The following RIMBP2 variants were observed in gnomAD, a reference collection of about 807,000 sequenced individuals.
RIMBP2 encodes RIMS-binding protein 2.
RIMBP2 carries 48 observed loss-of-function variants against 118.6 expected under a neutral mutation model. The ratio of observed to expected loss-of-function variants is 0.40; its 90% CI spans 0.32 to 0.51. The LOEUF (loss-of-function observed/expected upper bound fraction) is 0.51, where lower values mean the gene tolerates loss of function less well. RIMBP2 is among the 20% of genes least tolerant of loss of function. The pLI is 0.41. For synonymous variants in RIMBP2, 762 were observed against 742.9 expected, an observed-to-expected ratio of 1.03 and a Z score of -0.42; for missense variants, 1,551 against 1,768.3, an observed-to-expected ratio of 0.88 and a Z score of 2.20.
intron 2 of RIMBP2, among the ~76,000 whole-genome samples, chr12:130,618,184 T>C (rs946194802): frequency 6.6e-6 from 1 of 152,154 alleles, no homozygotes; most frequent in Admixed American, 6.5e-5. Flanking sequence ...CCAGGCCTAA[T>C]ATTAATGTAT....
rs1482913162 is a variant in RIMBP2, at chr12:130,431,237, A to G, written c.2254-2900T>C. On this transcript the variant is annotated intron_variant, in intron 14 of 22. Coordinates refer to ENST00000690449, the MANE Select transcript of RIMBP2 (RefSeq NM_001393629.1). This position sits in a 1 kb window ranked among gnomAD's most constrained non-coding sequence, Gnocchi z 4.0. ...AATGCTAGAGATACCGTAGTCAACT[A>G]AAAGTGGAGGCTTCCACCCACTAGA... Among the ~76,000 whole-genome samples, 1 of 152,204 alleles carries G rather than the reference A, an allele frequency of 6.6e-6. No individual in the cohort carries two copies. The highest frequency in any genetic ancestry group is 1.5e-5 in the Non-Finnish European group (1 of 68,040).
Position 130,400,594 on chromosome 12 carries a change from G to A in RIMBP2, c.3766-781C>T, listed in dbSNP as rs142487019. Among the ~76,000 whole-genome samples, 817 of 152,200 alleles carry A rather than the reference G, an allele frequency of 5.4e-3. 4 individuals carry two copies. The highest frequency in any genetic ancestry group is 6.0e-3 in the Non-Finnish European group (408 of 68,006). On this transcript the variant is annotated intron_variant, in intron 21 of 22. Coordinates refer to ENST00000690449, the MANE Select transcript of RIMBP2 (RefSeq NM_001393629.1). ...AAAATTGGCTGGCTCTGGGCAACAC[G>A]GAATCCTGTTTCTCTGTTTATATGG... is the stretch of plus-strand genomic sequence containing the variant.
Position 130,450,300 on chromosome 12 carries a change from T to G in RIMBP2, c.505-24A>C. Reference sequence around the variant, plus strand: ...ATCTGTGAAAAAGGCAATGGGTGTGTGGGTTATTGAAGCTGGAGGTGTCCC... The same window carrying G: ...ATCTGTGAAAAAGGCAATGGGTGTGGGGGTTATTGAAGCTGGAGGTGTCCC... On this transcript the variant is annotated intron_variant, in intron 8 of 22. Transcript: ENST00000690449. The surrounding 1 kb of genome is among the most constrained non-coding windows in gnomAD (Gnocchi z 4.8). The G allele has an allele frequency of 6.3e-7, 1 of 1,575,178 alleles. No individual in the cohort carries two copies. Among genetic ancestry groups the G allele is most frequent in the South Asian group, 1.1e-5 (1 of 88,064 alleles).
Position 130,703,310 on chromosome 12 carries a change from G to A in RIMBP2, c.-352+12912C>T, listed in dbSNP as rs781618345. 9.9e-5 allele frequency among the ~76,000 whole-genome samples: 15 copies of A among 152,140 alleles called. No homozygotes were observed. Among genetic ancestry groups the A allele is most frequent in the Admixed American group, 2.6e-4 (4 of 15,274 alleles). ...CCGCCCTGGACATTTTCAGTTTCCTGCACTTATTATGAAGCCTGCCCAAGA... is the reference window on the plus strand; with the variant it reads ...CCGCCCTGGACATTTTCAGTTTCCTACACTTATTATGAAGCCTGCCCAAGA... On this transcript the variant is annotated intron_variant, in intron 1 of 22. Coordinates refer to ENST00000690449, the MANE Select transcript of RIMBP2 (RefSeq NM_001393629.1). This position sits in a 1 kb window ranked among gnomAD's most constrained non-coding sequence, Gnocchi z 5.7.
intron 21 of RIMBP2, among the ~76,000 whole-genome samples, chr12:130,400,639 A>T (rs2074443745): frequency 6.6e-6 from 1 of 152,162 alleles, no homozygotes; most frequent in African/African-American, 2.4e-5. Context: ...TGACATAAAG[A>T]GCCTACTACA....
intron 3 of RIMBP2, among the ~76,000 whole-genome samples, chr12:130,509,773 T>G (rs2050731698): frequency 6.6e-6 from 1 of 150,922 alleles, no homozygotes; most frequent in Non-Finnish European, 1.5e-5. Context: ...AGTACTTTCT[T>G]TTCTAAACTC....
intron 2 of RIMBP2, among the ~76,000 whole-genome samples, chr12:130,566,348 T>C (rs999871295): frequency 1.1e-4 from 16 of 152,314 alleles, no homozygotes; most frequent in African/African-American, 3.8e-4. Flanking sequence ...TGTCCACAAA[T>C]TACCTGATGC....
Position 130,447,961 on chromosome 12 carries a change from TAGACCCGGGGC to T in RIMBP2, c.581+2228_581+2238del, listed in dbSNP as rs2078680668. ...AATGACAGCAAGAGGAGACACTGAT[TAGACCCGGGGC>T]AGAAAACATAACCCCCTCCCTACAT... On this transcript the variant is annotated intron_variant, in intron 9 of 22. Coordinates refer to ENST00000690449, the MANE Select transcript of RIMBP2 (RefSeq NM_001393629.1). This position sits in a 1 kb window ranked among gnomAD's most constrained non-coding sequence, Gnocchi z 4.4. Among the ~76,000 whole-genome samples, 1 of 151,926 alleles carries T rather than the reference TAGACCCGGGGC, an allele frequency of 6.6e-6. No individual in the cohort carries two copies. The highest frequency in any genetic ancestry group is 6.6e-5 in the Admixed American group (1 of 15,258).
At chr12:130,645,899 T>C (rs1008024351) in intron 1 of RIMBP2, among the ~76,000 whole-genome samples, 1 of 152,156 alleles carries the variant, frequency 6.6e-6, no homozygotes, top group African/African-American at 2.4e-5. Context: ...ACTAAATGGA[T>C]TCATTAAAGC....
intron 1 of RIMBP2, among the ~76,000 whole-genome samples, chr12:130,662,439 C>T (rs1809608): frequency 0.54 from 82,540 of 151,790 alleles, 23,063 homozygotes; most frequent in Non-Finnish European, 0.62. Flanking sequence ...GTGTGGATGA[C>T]GAGGTCAAGA....
chr12:130,667,380 G>T (rs553125445), intron 1 of RIMBP2: 2 of 152,150 alleles, frequency 1.3e-5, no homozygotes, highest in African/African-American at 2.4e-5. Context: ...ATGAATAGAG[G>T]AATTGTTTAC....
chr12:130,531,987 G>T (rs376235814), intron 2 of RIMBP2, among the ~76,000 whole-genome samples: 4 of 89,470 alleles, frequency 4.5e-5, no homozygotes, highest in African/African-American at 4.9e-5. Context: ...CCTCTAGGAG[G>T]TACGTCTAAT....
In RIMBP2 at chr12:130,578,504, T is replaced by A. The variant is rs1028371546; in HGVS notation, c.-217+49818A>T. Among the ~76,000 whole-genome samples the A allele has an allele frequency of 3.3e-5, 5 of 152,230 alleles. No homozygotes were observed. The highest frequency in any genetic ancestry group is 3.3e-4 in the Admixed American group (5 of 15,278). On this transcript the variant is annotated intron_variant, in intron 2 of 22. Coordinates refer to ENST00000690449, the MANE Select transcript of RIMBP2 (RefSeq NM_001393629.1). The surrounding 1 kb of genome is among the most constrained non-coding windows in gnomAD (Gnocchi z 4.1). ...CTGCATCTTCAGCCATGCACAGACCTGTTCTCCTGGCCCCAGTCGTACATG... is the reference window on the plus strand; with the variant it reads ...CTGCATCTTCAGCCATGCACAGACCAGTTCTCCTGGCCCCAGTCGTACATG...
chr12:130,462,961 G>A (rs1036936149), intron 6 of RIMBP2, among the ~76,000 whole-genome samples: 7 of 152,190 alleles, frequency 4.6e-5, no homozygotes, highest in Admixed American at 1.3e-4. Flanking sequence ...AGTCCTGCCC[G>A]CCCACATCCA....
intron 2 of RIMBP2, among the ~76,000 whole-genome samples, chr12:130,611,007 C>A (rs1212738372): frequency 6.6e-6 from 1 of 152,218 alleles, no homozygotes; most frequent in Non-Finnish European, 1.5e-5. Context: ...CTAGCAGCAT[C>A]AGCTCCCAGG....
rs563330762 is a variant in RIMBP2 at position 130,456,447 on chromosome 12, C to T, written c.358+49G>A. Reference sequence around the variant, plus strand: ...TGTGCACACCCTCGCAGGCAGCCAACGGCCATTCTCTCCCCACCACAGCCA... The same window carrying T: ...TGTGCACACCCTCGCAGGCAGCCAATGGCCATTCTCTCCCCACCACAGCCA... On this transcript the variant is annotated intron_variant, in intron 7 of 22. Transcript: ENST00000690449. The T allele has an allele frequency of 4.1e-5, 61 of 1,494,188 alleles. 2 individuals carry two copies. In the South Asian group the frequency reaches 5.6e-4, roughly 14 times the overall value. 92.6% of individuals were successfully genotyped at this position (1,494,188 alleles called of 1,614,324 possible).
chr12:130,644,708 C>G (rs1382456250), intron 1 of RIMBP2, among the ~76,000 whole-genome samples: 1 of 152,198 alleles, frequency 6.6e-6, no homozygotes, highest in African/African-American at 2.4e-5. Context: ...GTCGGAAAAG[C>G]CACAGGACAG....
rs565373810 is a variant in RIMBP2, at chr12:130,577,113, G to A, written c.-217+51209C>T. Among the ~76,000 whole-genome samples the A allele has an allele frequency of 6.6e-5, 10 of 152,254 alleles. No individual in the cohort carries two copies. The East Asian group carries it at 1.4e-3, about 21-fold the overall frequency. On this transcript the variant is annotated intron_variant, in intron 2 of 22. Coordinates refer to ENST00000690449, the MANE Select transcript of RIMBP2 (RefSeq NM_001393629.1). The stretch of plus-strand genomic sequence containing the variant: ...CTGTTACTCTGAGCATACACCAGAG[G>A]CTCAGGTTCAAATCCAGTCCCCTCT...
intron 1 of RIMBP2, among the ~76,000 whole-genome samples, chr12:130,646,088 TCCCTCTC>T (rs1271000627): frequency 3.0e-4 from 34 of 113,682 alleles, no homozygotes; most frequent in African/African-American, 1.1e-3. Context: ...CCTCACCACT[TCCCTCTC>T]CACCTCCCTC....
Sources: allele counts gnomAD v4.1 joint callset (sites outside exome capture counted in the v4.1 genomes callset), GRCh38; gene constraint gnomAD v4.1.1; non-coding constraint Gnocchi (gnomAD v3.1); transcripts MANE v1.5; gene names NCBI Gene and HGNC (gene_info 2026-07-23, HGNC 2026-07-21).